The following BRAF variants were observed in gnomAD, a reference collection of about 807,000 sequenced individuals.
The protein encoded by BRAF is B-Raf proto-oncogene, serine/threonine kinase, also known as serine/threonine-protein kinase B-raf.
Under a neutral mutation model 104.6 loss-of-function variants are expected in BRAF, and 16 were observed. That is an observed-to-expected ratio of 0.15 (90% CI 0.10 to 0.23). BRAF has a LOEUF of 0.23. BRAF is among the 10% of genes least tolerant of loss of function. The pLI is 1.00. For missense variants in BRAF, 541 were observed against 937.3 expected (o/e 0.58, Z 5.52); for synonymous variants, 310 against 341.6 (o/e 0.91, Z 1.02).
chr7:140,919,790 A>T (rs1462968308), intron 1 of BRAF, among the ~76,000 whole-genome samples: 1 of 151,744 alleles, frequency 6.6e-6, no homozygotes, highest in Admixed American at 6.6e-5. Flanking sequence ...AAATAGGCCC[A>T]CCTATTTTGA....
At chr7:140,893,100 G>C (rs989164017) in intron 1 of BRAF, among the ~76,000 whole-genome samples, 9 of 152,126 alleles carry the variant, frequency 5.9e-5, no homozygotes, top group African/African-American at 2.2e-4. Flanking sequence ...AAAATGGCAG[G>C]AAGGGGAAAA....
intron 1 of BRAF, among the ~76,000 whole-genome samples, chr7:140,910,342 C>G (rs1816828791): frequency 6.6e-6 from 1 of 152,220 alleles, no homozygotes; most frequent in South Asian, 2.1e-4. Context: ...TAACTTCCAT[C>G]AAGACCTCAC....
In BRAF at chr7:140,787,713, T is replaced by C. The variant is rs1437755254; in HGVS notation, c.1141-129A>G. On this transcript the variant is annotated intron_variant, in intron 8 of 19. Transcript: ENST00000644969. ...TTAAAACAATACATCTTATAACTAT[T>C]ACACAAAACAATTTGGAATTATCTA... 9 of 779,506 alleles carry C rather than the reference T, an allele frequency of 1.2e-5. No homozygotes were observed. The East Asian group carries it at 2.4e-4, about 21-fold the overall frequency. 48.3% of individuals were successfully genotyped at this position (779,506 alleles called of 1,614,324 possible).
intron 2 of BRAF, among the ~76,000 whole-genome samples, chr7:140,846,724 T>C (rs1191471747): frequency 1.3e-5 from 2 of 152,110 alleles, no homozygotes; most frequent in African/African-American, 4.8e-5. Flanking sequence ...AAAGGAATCT[T>C]AAATGGCAGA....
At chr7:140,796,672 C>G (rs1473119957) in intron 7 of BRAF, among the ~76,000 whole-genome samples, 1 of 152,188 alleles carries the variant, frequency 6.6e-6, no homozygotes, top group Non-Finnish European at 1.5e-5. Context: ...TAGTTGGTAT[C>G]TAATAGTTGT....
chr7:140,808,320 CA>C, intron 4 of BRAF: 1 of 289,966 alleles, frequency 3.4e-6, no homozygotes, highest in South Asian at 2.5e-5. Context: ...AAAAGACCTA[CA>C]ACAGCAGAAA....
chr7:140,814,792 CATAT>C (rs563742409), intron 3 of BRAF, among the ~76,000 whole-genome samples: 7 of 137,900 alleles, frequency 5.1e-5, no homozygotes, highest in Non-Finnish European at 3.1e-5. Flanking sequence ...TTATATATAA[CATAT>C]ATATATTATA....
At chr7:140,836,826 T>C (rs1807392025) in intron 2 of BRAF, among the ~76,000 whole-genome samples, 1 of 152,140 alleles carries the variant, frequency 6.6e-6, no homozygotes, top group African/African-American at 2.4e-5. Context: ...GAAGATCACA[T>C]AAATGCAGTC....
In BRAF at chr7:140,758,715, G is replaced by C. The variant is rs139086397; in HGVS notation, c.1815-4482C>G. 2.0e-5 allele frequency among the ~76,000 whole-genome samples: 3 copies of C among 152,272 alleles called. No homozygotes were observed. In the South Asian group the frequency reaches 6.2e-4, roughly 32 times the overall value. Reference sequence around the variant, plus strand: ...AGCCATCCTCCCACCTCGGCCTCCCGAAGTGCTAGAATTATAGGTGTAAGC... The same window carrying C: ...AGCCATCCTCCCACCTCGGCCTCCCCAAGTGCTAGAATTATAGGTGTAAGC... On this transcript the variant is annotated intron_variant, in intron 14 of 19. Coordinates refer to ENST00000644969, the MANE Select transcript of BRAF (RefSeq NM_001374258.1).
Position 140,726,286 on chromosome 7 carries a change from G to C in BRAF, c.*208C>G, listed in dbSNP as rs1585898462. 2.8e-6 allele frequency: 4 copies of C among 1,413,590 alleles called. No homozygotes were observed. The highest frequency in any genetic ancestry group is 3.7e-6 in the Non-Finnish European group (4 of 1,091,494). The allele number at this position is 1,413,590 out of a possible 1,614,324, so 87.6% of individuals were successfully genotyped here. A position where few individuals can be genotyped will look rare whatever the true frequency, so the allele number is the denominator to read the frequency against. ...GTATGCTCGTGGTATTTTTGTTGAA[G>C]AAACACTGGCAGCAGAGAATTCTGG... On this transcript the variant is annotated 3_prime_UTR_variant, in exon 20 of 20. Transcript: ENST00000644969.
chr7:140,759,807 G>C (rs989851952), intron 14 of BRAF, among the ~76,000 whole-genome samples: 2 of 152,220 alleles, frequency 1.3e-5, no homozygotes, highest in Non-Finnish European at 2.9e-5. Context: ...TGAAAGCAGT[G>C]TTTCTCACAC....
At chr7:140,768,033 C>T (rs554668959) in intron 14 of BRAF, among the ~76,000 whole-genome samples, 1 of 152,168 alleles carries the variant, frequency 6.6e-6, no homozygotes, top group Middle Eastern at 3.4e-3. Context: ...TATTTATTGA[C>T]CAGTAGAGAT....
intron 1 of BRAF, among the ~76,000 whole-genome samples, chr7:140,904,358 T>C (rs901233883): frequency 1.3e-5 from 2 of 151,540 alleles, no homozygotes; most frequent in African/African-American, 4.8e-5. Context: ...CCAGTAGATC[T>C]AGAAGTTTAA....
intron 1 of BRAF, among the ~76,000 whole-genome samples, chr7:140,871,239 CAAAAA>C (rs11284186): frequency 1.6e-5 from 1 of 61,180 alleles, no homozygotes. Context: ...GACTCCGTCT[CAAAAA>C]AAAAAAAAAA....
chr7:140,870,269 C>CG (rs926675239), intron 1 of BRAF, among the ~76,000 whole-genome samples: 1 of 152,054 alleles, frequency 6.6e-6, no homozygotes, highest in African/African-American at 2.4e-5. Context: ...AAGTCTTACT[C>CG]TGATTATTTT....
rs2130869623 is a variant in BRAF at position 140,734,765 on chromosome 7, G to A, written c.2253C>T (p.Leu751=). The change falls in exon 19 of 20, where the codon CTC becomes CTT. Residue 751 remains leucine, a synonymous_variant. Transcript: ENST00000644969. ...RDERPLFPQI[L]ASIELLARSL... ...AGCGGGCCAGCAGCTCAATAGAGGC[G>A]AGAATCTACAAAAAAAAAAAGAAAA... 2.6e-6 allele frequency: 3 copies of A among 1,143,102 alleles called. No individual in the cohort carries two copies. Among genetic ancestry groups the A allele is most frequent in the Non-Finnish European group, 3.3e-6 (3 of 906,644 alleles). The allele number at this position is 1,143,102 out of a possible 1,614,324, so 70.8% of individuals were successfully genotyped here.
intron 3 of BRAF, among the ~76,000 whole-genome samples, chr7:140,822,985 G>A (rs974982936): frequency 6.6e-6 from 1 of 152,020 alleles, no homozygotes; most frequent in African/African-American, 2.4e-5. Context: ...ACCACTCCTG[G>A]CTAATTAAAA....
At position 140,798,178 on chromosome 7, in the gene BRAF, G is replaced by C. The variant is rs535630051; in HGVS notation, c.980+2184C>G. The stretch of plus-strand genomic sequence containing the variant: ...AAATGGCATTACACTGTGAAGAGTG[G>C]GAGGAAGTAGGGTTAAAACTGACAA... On this transcript the variant is annotated intron_variant, in intron 7 of 19. Coordinates refer to ENST00000644969, the MANE Select transcript of BRAF (RefSeq NM_001374258.1). Among the ~76,000 whole-genome samples the C allele has an allele frequency of 2.0e-4, 31 of 152,216 alleles. 1 individual carries two copies. In the South Asian group the frequency reaches 6.4e-3, roughly 32 times the overall value.
At chr7:140,783,442 A>G in intron 10 of BRAF, 1 of 296,738 alleles carries the variant, frequency 3.4e-6, no homozygotes, top group East Asian at 5.1e-5. Context: ...CAATCTCTCT[A>G]AAACAAGACA....
Sources: allele counts gnomAD v4.1 joint callset (sites outside exome capture counted in the v4.1 genomes callset), GRCh38; gene constraint gnomAD v4.1.1; transcripts MANE v1.5; gene names NCBI Gene and HGNC (gene_info 2026-07-23, HGNC 2026-07-21).